TBL1XR1: variants seen among roughly 807,000 people sequenced by gnomAD.
TBL1XR1 encodes TBL1X/Y related 1.
Under a neutral mutation model 66.9 loss-of-function variants are expected in TBL1XR1, and 5 were observed. That is an observed-to-expected ratio of 0.07 (90% confidence interval 0.04 to 0.16). The LOEUF (loss-of-function observed/expected upper bound fraction) is 0.16, where lower values mean the gene tolerates loss of function less well. TBL1XR1 is among the 10% of genes least tolerant of loss of function. TBL1XR1 has a pLI of 1.00. For missense variants in TBL1XR1, 238 were observed against 623.2 expected (o/e 0.38, Z 6.58); for synonymous variants, 210 against 206.0 (o/e 1.02, Z -0.17).
chr3:177,070,614 C>T (rs543302328), intron 2 of TBL1XR1, among the ~76,000 whole-genome samples: 1 of 152,088 alleles, frequency 6.6e-6, no homozygotes, highest in Non-Finnish European at 1.5e-5. Flanking sequence ...TTTGGGGGGC[C>T]GAGGCGGGTG....
chr3:177,030,131 T>G (rs200467201), intron 14 of TBL1XR1, among the ~76,000 whole-genome samples: 1,563 of 149,474 alleles, frequency 0.01, 13 homozygotes, highest in Middle Eastern at 0.027. Flanking sequence ...TATATATATA[T>G]AGAGAGAGAG....
At chr3:177,040,138 T>A (rs1715377306) in intron 10 of TBL1XR1, among the ~76,000 whole-genome samples, 1 of 152,044 alleles carries the variant, frequency 6.6e-6, no homozygotes, top group African/African-American at 2.4e-5. Flanking sequence ...GGCAAGACAG[T>A]GGGACCTCAT....
In TBL1XR1 at chr3:177,033,139, G is replaced by GA; in HGVS notation, c.1251-4dup. 2 of 1,509,340 alleles carry GA rather than the reference G, an allele frequency of 1.3e-6. No individual in the cohort carries two copies. Among genetic ancestry groups the GA allele is most frequent in the Non-Finnish European group, 1.8e-6 (2 of 1,121,064 alleles). The allele number at this position is 1,509,340 out of a possible 1,614,324, so 93.5% of individuals were successfully genotyped here. A position where few individuals can be genotyped will look rare whatever the true frequency, so the allele number is the denominator to read the frequency against. ...TAACAGTAGAATCAAAGGATGCACT[G>GA]AAAAAGGAAGGAAAGAAAGTTAATT... On this transcript the variant is annotated splice_region_variant and splice_polypyrimidine_tract_variant and intron_variant, in intron 13 of 15. Coordinates refer to ENST00000457928, the MANE Select transcript of TBL1XR1 (RefSeq NM_024665.7).
chr3:177,182,061 G>A (rs984024226), intron 1 of TBL1XR1, among the ~76,000 whole-genome samples: 5 of 152,088 alleles, frequency 3.3e-5, no homozygotes, highest in Non-Finnish European at 7.4e-5. Context: ...AAAGAGCAGG[G>A]TGCCAGGTTA....
intron 12 of TBL1XR1, among the ~76,000 whole-genome samples, chr3:177,036,179 T>C (rs770181410): frequency 3.8e-4 from 58 of 152,184 alleles, no homozygotes; most frequent in Non-Finnish European, 7.2e-4. Context: ...TCTATAACTA[T>C]CTCTAATATT....
intron 14 of TBL1XR1, among the ~76,000 whole-genome samples, chr3:177,031,027 G>A (rs539717565): frequency 1.1e-4 from 16 of 152,274 alleles, no homozygotes; most frequent in African/African-American, 3.6e-4. Context: ...CAGGAGAATC[G>A]CTTGAACCCA....
At chr3:177,155,627 T>C (rs1217955064) in intron 1 of TBL1XR1, among the ~76,000 whole-genome samples, 2 of 152,240 alleles carry the variant, frequency 1.3e-5, no homozygotes, top group South Asian at 2.1e-4. Context: ...AAGATAGTTT[T>C]TTTCTTTTTT....
intron 1 of TBL1XR1, among the ~76,000 whole-genome samples, chr3:177,195,180 G>A (rs1736672413): frequency 1.3e-5 from 2 of 151,802 alleles, no homozygotes; most frequent in South Asian, 4.1e-4. Flanking sequence ...ATACATCTCA[G>A]TGCAGGATAG....
intron 2 of TBL1XR1, among the ~76,000 whole-genome samples, chr3:177,096,316 A>G (rs966901357): frequency 6.8e-6 from 1 of 147,014 alleles, no homozygotes; most frequent in Non-Finnish European, 1.5e-5. Context: ...CATCTCTAAC[A>G]CACACTAACA....
chr3:177,058,977 T>C (rs138447872), intron 3 of TBL1XR1, among the ~76,000 whole-genome samples: 29 of 152,366 alleles, frequency 1.9e-4, no homozygotes, highest in Non-Finnish European at 4.0e-4. Flanking sequence ...TTGCTGTTTA[T>C]TGTCAATTAG....
At chr3:177,057,821 T>G (rs926886196) in intron 3 of TBL1XR1, among the ~76,000 whole-genome samples, 2 of 152,082 alleles carry the variant, frequency 1.3e-5, no homozygotes, top group Non-Finnish European at 2.9e-5. Flanking sequence ...GTATTGAGAC[T>G]CAGGGAGAAG....
intron 1 of TBL1XR1, among the ~76,000 whole-genome samples, chr3:177,150,895 G>C (rs1434580083): frequency 6.6e-6 from 1 of 152,192 alleles, no homozygotes; most frequent in African/African-American, 2.4e-5. Flanking sequence ...ACACAAACTG[G>C]AACATGTGAG....
chr3:177,173,788 T>C (rs1312518206), intron 1 of TBL1XR1, among the ~76,000 whole-genome samples: 1 of 152,208 alleles, frequency 6.6e-6, no homozygotes, highest in African/African-American at 2.4e-5. Context: ...AAGACTGTAA[T>C]ACTGAGGAAG....
intron 1 of TBL1XR1, among the ~76,000 whole-genome samples, chr3:177,127,084 T>G (rs992255193): frequency 4.6e-5 from 7 of 152,212 alleles, no homozygotes; most frequent in African/African-American, 1.2e-4. Flanking sequence ...TGCCACAGAT[T>G]ATAATCAATG....
intron 10 of TBL1XR1, among the ~76,000 whole-genome samples, chr3:177,044,016 T>A (rs1405275551): frequency 6.6e-6 from 1 of 152,150 alleles, no homozygotes. Flanking sequence ...CAAAGTTTTA[T>A]CACAACTCAC....
chr3:177,046,653 G>A (rs187025528), intron 9 of TBL1XR1, among the ~76,000 whole-genome samples: 15 of 152,166 alleles, frequency 9.9e-5, no homozygotes, highest in Non-Finnish European at 1.3e-4. Context: ...GTCTAGTGGC[G>A]GTGACTATTA....
intron 1 of TBL1XR1, among the ~76,000 whole-genome samples, chr3:177,148,453 C>T (rs184787380): frequency 6.6e-6 from 1 of 152,174 alleles, no homozygotes; most frequent in Non-Finnish European, 1.5e-5. Context: ...CAGTGGCTCA[C>T]GCCTGTAATG....
intron 7 of TBL1XR1, among the ~76,000 whole-genome samples, chr3:177,048,438 A>ATC (rs1716610455): frequency 6.6e-6 from 1 of 152,180 alleles, no homozygotes; most frequent in African/African-American, 2.4e-5. Context: ...CCTATTTCAC[A>ATC]TCTCTCAAGC....
Position 177,025,246 on chromosome 3 carries a change from C to T in TBL1XR1, c.*252G>A. 2.5e-6 allele frequency: 1 copy of T among 404,224 alleles called. No homozygotes were observed. The highest frequency in any genetic ancestry group is 4.4e-6 in the Non-Finnish European group (1 of 228,592). 25.0% of individuals were successfully genotyped at this position (404,224 alleles called of 1,614,324 possible). On this transcript the variant is annotated 3_prime_UTR_variant, in exon 16 of 16. Coordinates refer to ENST00000457928, the MANE Select transcript of TBL1XR1 (RefSeq NM_024665.7). ...CTTCTGTTTTTCATATCCAAAACTT[C>T]TAAATGCTATTTTAGGGGCACAGCA...
Sources: allele counts gnomAD v4.1 joint callset (sites outside exome capture counted in the v4.1 genomes callset), GRCh38; gene constraint gnomAD v4.1.1; transcripts MANE v1.5; gene names NCBI Gene and HGNC (gene_info 2026-07-23, HGNC 2026-07-21).